The following ARMC2 variants were observed in gnomAD, a reference collection of about 807,000 sequenced individuals.
The protein encoded by ARMC2 is armadillo repeat-containing protein 2.
In ARMC2, 67 loss-of-function variants were observed where a neutral mutation model predicts 90.3. The observed-to-expected ratio is 0.74, with a 90% CI of 0.61 to 0.91. The LOEUF (loss-of-function observed/expected upper bound fraction) is 0.91, where lower values mean the gene tolerates loss of function less well. ARMC2 is among the 40% of genes least tolerant of loss of function. The pLI is 0.00. For missense variants in ARMC2, 920 were observed against 1,030.9 expected (o/e 0.89, Z 1.47); for synonymous variants, 393 against 393.0 (o/e 1.00, Z 0.00).
chr6:108,875,950 T>C (rs1323010342), intron 4 of ARMC2, among the ~76,000 whole-genome samples, 193 bp from the exon 5 acceptor site: 1 of 152,196 alleles, frequency 6.6e-6, no homozygotes, highest in African/African-American at 2.4e-5. Context: ...ACCTGCAGAA[T>C]TGATGGTGCC....
chr6:109,049,392 A>G, the ARMC2 span, among the ~76,000 whole-genome samples: 1 of 152,136 alleles, frequency 6.6e-6, no homozygotes, highest in Non-Finnish European at 1.5e-5. Context: ...GTAGGGGGAA[A>G]GGGGGGAATA....
chr6:108,947,670 C>T (rs2128500498), intron 12 of ARMC2, among the ~76,000 whole-genome samples: 1 of 152,316 alleles, frequency 6.6e-6, no homozygotes, highest in African/African-American at 2.4e-5. Context: ...CAATATCCCT[C>T]AGGCTCTAAC....
At chr6:108,959,844 T>A (rs1777862668) in intron 13 of ARMC2, among the ~76,000 whole-genome samples, 1 of 151,654 alleles carries the variant, frequency 6.6e-6, no homozygotes, top group African/African-American at 2.4e-5. Flanking sequence ...TGCCATCAAG[T>A]CTGGCTAATT....
rs148628670 is a variant in ARMC2 at position 108,863,730 on chromosome 6, C to T, written c.292-5094C>T. On this transcript the variant is annotated intron_variant, in intron 3 of 17. Transcript: ENST00000392644. ...CAGTGATGTAAACCCCAAATGTTTT[C>T]GTTCAACTTTTTATTGACACAGAAG... is the stretch of plus-strand genomic sequence containing the variant. Among the ~76,000 whole-genome samples, 626 of 152,296 alleles carry T rather than the reference C, an allele frequency of 4.1e-3. 2 individuals are homozygous for T. The highest frequency in any genetic ancestry group is 0.014 in the African/African-American group (585 of 41,566).
At chr6:108,883,825 C>G (rs555078266) in intron 5 of ARMC2, among the ~76,000 whole-genome samples, 1 of 152,150 alleles carries the variant, frequency 6.6e-6, no homozygotes, top group South Asian at 2.1e-4. Context: ...TATATGTATC[C>G]ATTTACCTGC....
intron 5 of ARMC2, among the ~76,000 whole-genome samples, chr6:108,883,544 A>G (rs1338776732): frequency 6.6e-6 from 1 of 152,244 alleles, no homozygotes; most frequent in South Asian, 2.1e-4. Flanking sequence ...CTTTACTTTC[A>G]TAATGGGGAA....
At chr6:108,991,093 T>G in the ARMC2 span, among the ~76,000 whole-genome samples, 11 of 149,480 alleles carry the variant, frequency 7.4e-5, no homozygotes, top group Non-Finnish European at 1.3e-4. Context: ...AAAAAAAAAC[T>G]AATAGTCTCT....
chr6:109,019,714 T>C, the ARMC2 span, among the ~76,000 whole-genome samples: 1 of 152,232 alleles, frequency 6.6e-6, no homozygotes, highest in Non-Finnish European at 1.5e-5. Flanking sequence ...GTAGTTTGGA[T>C]TTGTTCTTAT....
At chr6:108,869,748 G>T (rs1241121160) in intron 4 of ARMC2, among the ~76,000 whole-genome samples, 1 of 152,056 alleles carries the variant, frequency 6.6e-6, no homozygotes, top group East Asian at 1.9e-4. Context: ...TTGCTGCCAG[G>T]CACCTAAACC....
chr6:108,952,912 G>A (rs528586945), intron 12 of ARMC2, 121 bp from the exon 13 acceptor site: 43 of 987,086 alleles, frequency 4.4e-5, no homozygotes, highest in South Asian at 2.6e-4. Context: ...CAAGTGAGCC[G>A]AAGCCAGACG....
intron 13 of ARMC2, among the ~76,000 whole-genome samples, chr6:108,955,854 G>A (rs1031043619): frequency 6.6e-6 from 1 of 152,206 alleles, no homozygotes; most frequent in Non-Finnish European, 1.5e-5. Flanking sequence ...ACACTGAGCA[G>A]GGCTTCTCAG....
intron 17 of ARMC2, among the ~76,000 whole-genome samples, chr6:108,965,961 T>A (rs1175058267): frequency 6.6e-6 from 1 of 151,274 alleles, no homozygotes; most frequent in Non-Finnish European, 1.5e-5. Context: ...CCAGGATCAT[T>A]TTTTACATTT....
chr6:108,993,974 C>A, the ARMC2 span, among the ~76,000 whole-genome samples: 1 of 151,026 alleles, frequency 6.6e-6, no homozygotes, highest in Non-Finnish European at 1.5e-5. Context: ...CCCATCTCTA[C>A]AAAAAAAATT....
chr6:108,907,702 C>G, intron 8 of ARMC2: 1 of 1,609,038 alleles, frequency 6.2e-7, no homozygotes, highest in South Asian at 1.1e-5. Flanking sequence ...TGGTAACCCC[C>G]GAGATGCTCC....
chr6:108,856,992 C>G (rs1468490176), intron 2 of ARMC2, among the ~76,000 whole-genome samples: 3 of 152,116 alleles, frequency 2.0e-5, no homozygotes, highest in Non-Finnish European at 4.4e-5. Context: ...GTCTTAAAGT[C>G]AGGGAGTGTC....
the ARMC2 span, among the ~76,000 whole-genome samples, chr6:109,022,086 AC>A: frequency 6.6e-6 from 1 of 151,942 alleles, no homozygotes; most frequent in South Asian, 2.1e-4. Context: ...TTTTTTGAGA[AC>A]AACATCCATA....
intron 5 of ARMC2, among the ~76,000 whole-genome samples, chr6:108,887,109 T>C (rs1770440829): frequency 1.3e-5 from 2 of 152,094 alleles, no homozygotes; most frequent in African/African-American, 2.4e-5. Context: ...GGTTTTGCCA[T>C]GTTGGCCAGG....
At chr6:108,900,664 C>T (rs1259731977) in intron 7 of ARMC2, among the ~76,000 whole-genome samples, 3 of 152,160 alleles carry the variant, frequency 2.0e-5, no homozygotes, top group Non-Finnish European at 2.9e-5. Context: ...CCTCACCCCT[C>T]CTCTGCTCCC....
the ARMC2 span, among the ~76,000 whole-genome samples, chr6:109,024,910 G>GT: frequency 6.6e-6 from 1 of 152,334 alleles, no homozygotes; most frequent in East Asian, 1.9e-4. Context: ...AGACCTGTGT[G>GT]TAAGAAATAT....
Sources: gnomAD v4.1 joint callset for allele counts (sites outside exome capture counted in the v4.1 genomes callset) on GRCh38, gnomAD v4.1.1 for gene constraint, MANE v1.5 for transcripts, NCBI Gene and HGNC (gene_info 2026-07-23, HGNC 2026-07-21) for gene names.